CSNK1G1: variants seen among roughly 807,000 people sequenced by gnomAD.
CSNK1G1 encodes the protein casein kinase 1 gamma 1, also known as casein kinase I isoform gamma-1.
A neutral mutation model predicts 59.6 loss-of-function variants in CSNK1G1; 22 were observed. The observed-to-expected ratio is 0.37, with a 90% CI of 0.26 to 0.53. CSNK1G1 has a LOEUF of 0.53. CSNK1G1 is among the 20% of genes least tolerant of loss of function. The probability of loss-of-function intolerance (pLI) is 0.89; values close to 1 mark genes in which losing one functional copy is unlikely to be tolerated. For synonymous variants in CSNK1G1, 179 were observed against 177.1 expected, an observed-to-expected ratio of 1.01 and a Z score of -0.08; for missense variants, 384 against 519.5, an observed-to-expected ratio of 0.74 and a Z score of 2.54.
intron 10 of CSNK1G1, among the ~76,000 whole-genome samples, chr15:64,185,936 A>C (rs2081888722): frequency 6.6e-6 from 1 of 152,046 alleles, no homozygotes; most frequent in Non-Finnish European, 1.5e-5. Context: ...ATAAACCATA[A>C]TGTTAAAAAG....
At chr15:64,240,780 C>T (rs1310548063) in intron 4 of CSNK1G1, among the ~76,000 whole-genome samples, 1 of 152,024 alleles carries the variant, frequency 6.6e-6, no homozygotes, top group Non-Finnish European at 1.5e-5. Context: ...ACAAGAAATG[C>T]TCAAGAGAAT....
At chr15:64,274,117 A>G (rs1052021904) in intron 2 of CSNK1G1, among the ~76,000 whole-genome samples, 89 of 152,358 alleles carry the variant, frequency 5.8e-4, no homozygotes, top group African/African-American at 2.1e-3. Context: ...TAATTTCTCT[A>G]AGGGCACCAA....
At chr15:64,318,504 T>C (rs1896390443) in intron 1 of CSNK1G1, among the ~76,000 whole-genome samples, 1 of 152,078 alleles carries the variant, frequency 6.6e-6, no homozygotes, top group African/African-American at 2.4e-5. Flanking sequence ...GGGAGGGAGG[T>C]AAGTTTGAAG....
intron 1 of CSNK1G1, among the ~76,000 whole-genome samples, chr15:64,305,695 C>CA (rs1197333533): frequency 0.014 from 771 of 56,058 alleles, 1 homozygote; most frequent in African/African-American, 0.016. Flanking sequence ...ACCCTGTCTC[C>CA]AAAAAAAAAA....
rs71447372 is a variant in CSNK1G1 at position 64,182,053 on chromosome 15, G to GTTTTTTTTTTTT, written c.1108-1611_1108-1600dup. ...TAATTATTGTTCTCATTAGTAACCC[G>GTTTTTTTTTTTT]TTTTTTTTTTTTTTTTTTTTTTTTT... is the stretch of plus-strand genomic sequence containing the variant. On this transcript the variant is annotated intron_variant, in intron 10 of 11. Coordinates refer to ENST00000303052, the MANE Select transcript of CSNK1G1 (RefSeq NM_022048.5). 14 of 83,236 alleles carry GTTTTTTTTTTTT rather than the reference G, an allele frequency of 1.7e-4. 3 individuals are homozygous for GTTTTTTTTTTTT. The highest frequency in any genetic ancestry group is 7.1e-4 in the African/African-American group (13 of 18,370). 5.2% of individuals were successfully genotyped at this position (83,236 alleles called of 1,614,324 possible). A position where few individuals can be genotyped will look rare whatever the true frequency, so the allele number is the denominator to read the frequency against.
At chr15:64,289,156 G>T (rs990717967) in intron 2 of CSNK1G1, among the ~76,000 whole-genome samples, 1 of 151,160 alleles carries the variant, frequency 6.6e-6, no homozygotes, top group African/African-American at 2.4e-5. Context: ...CTCCAGCCTG[G>T]GCGAACAAGT....
chr15:64,244,894 C>T (rs1037455041), intron 4 of CSNK1G1, among the ~76,000 whole-genome samples: 1 of 152,024 alleles, frequency 6.6e-6, no homozygotes, highest in Non-Finnish European at 1.5e-5. Flanking sequence ...AAATATACTA[C>T]AAAGCTACAG....
At chr15:64,281,810 A>G (rs976217493) in intron 2 of CSNK1G1, among the ~76,000 whole-genome samples, 1 of 152,068 alleles carries the variant, frequency 6.6e-6, no homozygotes, top group Non-Finnish European at 1.5e-5. Flanking sequence ...GAGAAAAAAA[A>G]AAAAGAAAAG....
intron 2 of CSNK1G1, among the ~76,000 whole-genome samples, chr15:64,280,612 G>A (rs777635559): frequency 2.2e-4 from 34 of 152,022 alleles, no homozygotes; most frequent in Middle Eastern, 6.8e-3. Flanking sequence ...TGCCCGGCTC[G>A]GCCTCCCAAA....
Position 64,323,093 on chromosome 15 carries a change from T to C in CSNK1G1, c.-224-22370A>G, listed in dbSNP as rs192113477. 1.5e-3 allele frequency among the ~76,000 whole-genome samples: 229 copies of C among 151,942 alleles called. 1 individual carries two copies. The highest frequency in any genetic ancestry group is 5.4e-3 in the African/African-American group (223 of 41,270). On this transcript the variant is annotated intron_variant, in intron 1 of 11. Coordinates refer to ENST00000303052, the MANE Select transcript of CSNK1G1 (RefSeq NM_022048.5). Reference sequence around the variant, plus strand: ...TCACGCCACTATGCTGGGCTAATTTTTCCTTTTTTCTTTTTAAAAAATGGA... The same window carrying C: ...TCACGCCACTATGCTGGGCTAATTTCTCCTTTTTTCTTTTTAAAAAATGGA...
chr15:64,220,702 G>A (rs2082377877), intron 4 of CSNK1G1, among the ~76,000 whole-genome samples: 1 of 151,904 alleles, frequency 6.6e-6, no homozygotes, highest in African/African-American at 2.4e-5. Context: ...TGGGACTACA[G>A]ACTATGGCTA....
chr15:64,259,657 A>T (rs1213558032), intron 2 of CSNK1G1, among the ~76,000 whole-genome samples: 1 of 152,146 alleles, frequency 6.6e-6, no homozygotes, highest in East Asian at 1.9e-4. Flanking sequence ...TGGCAAATAG[A>T]ATTCTATATA....
intron 2 of CSNK1G1, among the ~76,000 whole-genome samples, chr15:64,283,781 C>G (rs1777874263): frequency 6.6e-6 from 1 of 152,328 alleles, no homozygotes; most frequent in African/African-American, 2.4e-5. Context: ...CTGCACCTAG[C>G]CAACTTTTAA....
chr15:64,355,372 A>T (rs1412199265), intron 1 of CSNK1G1, among the ~76,000 whole-genome samples: 2 of 152,174 alleles, frequency 1.3e-5, no homozygotes, highest in Non-Finnish European at 2.9e-5. Context: ...ACTCTCTTTT[A>T]CATTGTGATG....
At chr15:64,323,988 C>A (rs1167904852) in intron 1 of CSNK1G1, among the ~76,000 whole-genome samples, 1 of 152,108 alleles carries the variant, frequency 6.6e-6, no homozygotes, top group African/African-American at 2.4e-5. Context: ...TCATTAAATC[C>A]TTCCACTACC....
intron 2 of CSNK1G1, among the ~76,000 whole-genome samples, chr15:64,288,471 C>T (rs1209977957): frequency 6.6e-6 from 1 of 151,572 alleles, no homozygotes; most frequent in Admixed American, 6.6e-5. Context: ...CTATAGGATT[C>T]AGAACTTTAG....
intron 10 of CSNK1G1, among the ~76,000 whole-genome samples, chr15:64,189,815 C>CTTTTTTT (rs970702567): frequency 2.4e-5 from 3 of 127,318 alleles, no homozygotes; most frequent in Non-Finnish European, 3.3e-5. Flanking sequence ...CTACAATTTA[C>CTTTTTTT]TTTTTTTTTT....
intron 10 of CSNK1G1, among the ~76,000 whole-genome samples, chr15:64,198,470 T>C (rs970070552): frequency 6.6e-6 from 1 of 152,060 alleles, no homozygotes; most frequent in Non-Finnish European, 1.5e-5. Context: ...CCTTCCAAAG[T>C]GCTGGGATTA....
At chr15:64,301,747 C>T (rs1402101697) in intron 1 of CSNK1G1, among the ~76,000 whole-genome samples, 2 of 151,944 alleles carry the variant, frequency 1.3e-5, no homozygotes, top group South Asian at 2.1e-4. Context: ...ATTAGCTGGA[C>T]GTGGTGGCAG....
Sources: gnomAD v4.1 joint callset for allele counts (sites outside exome capture counted in the v4.1 genomes callset) on GRCh38, gnomAD v4.1.1 for gene constraint, MANE v1.5 for transcripts, NCBI Gene and HGNC (gene_info 2026-07-23, HGNC 2026-07-21) for gene names.